The following TASP1 variants were observed in gnomAD, a reference collection of about 807,000 sequenced individuals.
The protein encoded by TASP1 is threonine aspartase 1.
In TASP1, 16 loss-of-function variants were observed where a neutral mutation model predicts 56.6. The ratio of observed to expected loss-of-function variants is 0.28; its 90% CI spans 0.19 to 0.43. TASP1 has a LOEUF of 0.43. Among genes scored for constraint, TASP1 ranks in the 20% least tolerant of loss-of-function variants. The pLI is 1.00. For synonymous variants in TASP1, 179 were observed against 184.2 expected, an observed-to-expected ratio of 0.97 and a Z score of 0.23; for missense variants, 393 against 511.6, an observed-to-expected ratio of 0.77 and a Z score of 2.24.
chr20:13,533,778 T>C (rs2045313509), intron 9 of TASP1, among the ~76,000 whole-genome samples: 2 of 152,246 alleles, frequency 1.3e-5, no homozygotes, highest in South Asian at 4.1e-4. Flanking sequence ...GTGCCCAGCC[T>C]GCTGAAAGGA....
chr20:13,349,438 A>G, the TASP1 span, among the ~76,000 whole-genome samples: 1 of 152,262 alleles, frequency 6.6e-6, no homozygotes, highest in Admixed American at 6.5e-5. Context: ...CTGAGTCACC[A>G]AAACCACTCT....
intron 4 of TASP1, among the ~76,000 whole-genome samples, chr20:13,605,955 C>G (rs552755156): frequency 6.6e-6 from 1 of 152,234 alleles, no homozygotes; most frequent in East Asian, 1.9e-4. Context: ...CCAACTTACT[C>G]TCCGCATTCT....
At chr20:13,108,070 G>T in the TASP1 span, among the ~76,000 whole-genome samples, 4 of 152,138 alleles carry the variant, frequency 2.6e-5, no homozygotes, top group African/African-American at 4.8e-5. Context: ...TGAATTTCAG[G>T]ACCCGATACC....
intron 12 of TASP1, among the ~76,000 whole-genome samples, chr20:13,424,048 G>C (rs775572000): frequency 3.7e-4 from 57 of 152,262 alleles, no homozygotes; most frequent in Non-Finnish European, 6.8e-4. Context: ...GGCAAAATCT[G>C]CTATGTTCAA....
chr20:13,411,440 G>C (rs1048991653), intron 13 of TASP1, among the ~76,000 whole-genome samples: 1 of 152,142 alleles, frequency 6.6e-6, no homozygotes, highest in East Asian at 1.9e-4. Context: ...CCATTTGTCT[G>C]TGTCCTCTTC....
chr20:13,557,547 T>C (rs909686615), intron 8 of TASP1, among the ~76,000 whole-genome samples: 1 of 150,952 alleles, frequency 6.6e-6, no homozygotes, highest in Admixed American at 6.6e-5. Context: ...ATTTACTCTA[T>C]GCAAATTTTA....
chr20:13,519,361 A>G (rs1165441143), intron 10 of TASP1, among the ~76,000 whole-genome samples: 1 of 152,086 alleles, frequency 6.6e-6, no homozygotes. Flanking sequence ...AAAAAGAAAT[A>G]AAGGACAACT....
chr20:13,560,060 A>C (rs1257096081), intron 7 of TASP1, among the ~76,000 whole-genome samples: 1 of 152,216 alleles, frequency 6.6e-6, no homozygotes, highest in African/African-American at 2.4e-5. Context: ...GGCTGAATTG[A>C]AGAACAAATA....
At chr20:13,438,367 T>C (rs1440858810) in intron 11 of TASP1, among the ~76,000 whole-genome samples, 2 of 152,192 alleles carry the variant, frequency 1.3e-5, no homozygotes, top group African/African-American at 2.4e-5. Flanking sequence ...TACAACCATC[T>C]GATCTTTGAC....
the TASP1 span, among the ~76,000 whole-genome samples, chr20:13,144,100 C>T: frequency 6.6e-6 from 1 of 152,160 alleles, no homozygotes. Flanking sequence ...TGATCTAACT[C>T]TACTGATCTT....
chr20:13,266,798 T>G, the TASP1 span, among the ~76,000 whole-genome samples: 1,981 of 152,274 alleles, frequency 0.013, 40 homozygotes, highest in African/African-American at 0.045. Context: ...AATATTTTAC[T>G]TTTAACCTTG....
chr20:13,510,708 C>T (rs560256546), intron 10 of TASP1, among the ~76,000 whole-genome samples: 3 of 152,192 alleles, frequency 2.0e-5, no homozygotes, highest in Non-Finnish European at 2.9e-5. Context: ...CACTATATTC[C>T]TCGGGCATTC....
At chr20:13,435,327 T>C (rs2042963285) in intron 11 of TASP1, among the ~76,000 whole-genome samples, 173 bp from the exon 12 acceptor site, 2 of 152,196 alleles carry the variant, frequency 1.3e-5, no homozygotes, top group African/African-American at 4.8e-5. Flanking sequence ...GGTTTATGCC[T>C]GAATAGGGGC....
chr20:13,496,332 G>T (rs1241043730), intron 10 of TASP1, among the ~76,000 whole-genome samples: 2 of 152,204 alleles, frequency 1.3e-5, no homozygotes, highest in African/African-American at 4.8e-5. Context: ...TGGGATTACA[G>T]GAGTGAGCCA....
chr20:13,328,258 T>C, the TASP1 span, among the ~76,000 whole-genome samples: 4 of 152,140 alleles, frequency 2.6e-5, no homozygotes, highest in African/African-American at 9.7e-5. Flanking sequence ...CACAATGAGA[T>C]ACCATCTCAC....
chr20:13,262,342 G>A, the TASP1 span, among the ~76,000 whole-genome samples: 1 of 152,198 alleles, frequency 6.6e-6, no homozygotes, highest in African/African-American at 2.4e-5. Flanking sequence ...ACTGGATGCT[G>A]AGGATGGCTG....
intron 11 of TASP1, among the ~76,000 whole-genome samples, chr20:13,443,330 T>C (rs1446402875): frequency 6.6e-6 from 1 of 152,164 alleles, no homozygotes; most frequent in Non-Finnish European, 1.5e-5. Flanking sequence ...AAAATTAACA[T>C]GGAATGACAT....
the TASP1 span, among the ~76,000 whole-genome samples, chr20:13,340,217 G>C: frequency 6.6e-6 from 1 of 152,134 alleles, no homozygotes; most frequent in Non-Finnish European, 1.5e-5. Context: ...TTCAGCTGCT[G>C]TCTTGAGACC....
chr20:13,287,767 G>A, the TASP1 span, among the ~76,000 whole-genome samples: 2 of 152,170 alleles, frequency 1.3e-5, no homozygotes, highest in Admixed American at 6.5e-5. Flanking sequence ...GACCTTGAGG[G>A]ATCATCTCTA....
Sources: allele counts gnomAD v4.1 joint callset (sites outside exome capture counted in the v4.1 genomes callset), GRCh38; gene constraint gnomAD v4.1.1; transcripts MANE v1.5; gene names NCBI Gene and HGNC (gene_info 2026-07-23, HGNC 2026-07-21).